HSPA12A: variants seen among roughly 807,000 people sequenced by gnomAD.
The protein encoded by HSPA12A is heat shock protein family A (Hsp70) member 12A, also known as heat shock 70 kDa protein 12A.
A neutral mutation model predicts 69.2 loss-of-function variants in HSPA12A; 28 were observed. The observed-to-expected ratio is 0.40, with a 90% CI of 0.30 to 0.55. The LOEUF (loss-of-function observed/expected upper bound fraction) is 0.55, where lower values mean the gene tolerates loss of function less well. HSPA12A is among the 20% of genes least tolerant of loss of function. HSPA12A has a pLI of 0.38. For missense variants in HSPA12A, 686 were observed against 900.7 expected, an observed-to-expected ratio of 0.76 and a Z score of 3.05; for synonymous variants, 345 against 370.5, an observed-to-expected ratio of 0.93 and a Z score of 0.79.
intron 1 of HSPA12A, among the ~76,000 whole-genome samples, chr10:116,837,068 C>T (rs1387187845): frequency 2.0e-5 from 3 of 152,188 alleles, no homozygotes; most frequent in South Asian, 2.1e-4. Context: ...TGTCACTTGG[C>T]GGCGGCAGTG....
At chr10:116,815,690 T>C (rs757856996) in intron 2 of HSPA12A, among the ~76,000 whole-genome samples, 6 of 152,184 alleles carry the variant, frequency 3.9e-5, no homozygotes, top group South Asian at 4.1e-4. Flanking sequence ...GGCAGGGCCC[T>C]GACTCTGTCA....
At chr10:116,829,852 C>T (rs1353414273) in intron 2 of HSPA12A, 2 of 152,168 alleles carry the variant, frequency 1.3e-5, no homozygotes, top group South Asian at 2.1e-4. Context: ...CTCCCAATCT[C>T]GTGGCTGCCT....
At chr10:116,775,163 C>T (rs1844307754) in intron 2 of HSPA12A, among the ~76,000 whole-genome samples, 1 of 152,250 alleles carries the variant, frequency 6.6e-6, no homozygotes, top group African/African-American at 2.4e-5. Context: ...AGTGCTGATT[C>T]TGTACTAAGA....
chr10:116,721,675 G>T (rs149316708), intron 1 of HSPA12A, among the ~76,000 whole-genome samples: 1 of 151,770 alleles, frequency 6.6e-6, no homozygotes, highest in Non-Finnish European at 1.5e-5. Flanking sequence ...TCCCCTCCCC[G>T]GCACTGAAAT....
At chr10:116,739,962 C>A (rs1375495221) in intron 1 of HSPA12A, among the ~76,000 whole-genome samples, 1 of 152,110 alleles carries the variant, frequency 6.6e-6, no homozygotes, top group African/African-American at 2.4e-5. Flanking sequence ...CACCTACCCA[C>A]CAGCAAACCC....
intron 2 of HSPA12A, among the ~76,000 whole-genome samples, chr10:116,705,704 T>C (rs1326434713): frequency 1.3e-5 from 2 of 152,222 alleles, no homozygotes; most frequent in African/African-American, 4.8e-5. Context: ...CTGTGCCCTC[T>C]GTACACCCAG....
intron 1 of HSPA12A, among the ~76,000 whole-genome samples, chr10:116,729,992 G>A (rs1851102225): frequency 6.6e-6 from 1 of 152,206 alleles, no homozygotes; most frequent in African/African-American, 2.4e-5. Context: ...GGCCAAAGCA[G>A]GCCAACATGG....
At chr10:116,707,136 C>T (rs1850275652) in intron 2 of HSPA12A, 64 bp downstream of exon 2, 2 of 1,294,310 alleles carry the variant, frequency 1.5e-6, no homozygotes, top group Non-Finnish European at 2.1e-6. Flanking sequence ...CACGTGTGCT[C>T]ATGCGCACCC....
rs145472759 is a variant in HSPA12A, at chr10:116,838,465, C to A, written c.4-3443G>T. ...ACATTTGAAGTGGAGAAAAACAAGC[C>A]AAACACACACATCATCAGTGGAATG... is the stretch of plus-strand genomic sequence containing the variant. On this transcript the variant is annotated intron_variant, in intron 1 of 12. Coordinates refer to the HSPA12A transcript ENST00000635765. Among the ~76,000 whole-genome samples, 82 of 152,232 alleles carry A rather than the reference C, an allele frequency of 5.4e-4. No homozygotes were observed. In the East Asian group the frequency reaches 0.014, roughly 27 times the overall value.
At chr10:116,824,421 G>C (rs1048796456) in intron 2 of HSPA12A, among the ~76,000 whole-genome samples, 2 of 152,068 alleles carry the variant, frequency 1.3e-5, no homozygotes. Flanking sequence ...CAAGAGAAGC[G>C]AAAAAATACA....
At chr10:116,793,407 C>A (rs377421130) in intron 2 of HSPA12A, among the ~76,000 whole-genome samples, 78 of 152,198 alleles carry the variant, frequency 5.1e-4, no homozygotes, top group African/African-American at 1.8e-3. Context: ...CCTGTCTCTA[C>A]AAAAGATACA....
intron 1 of HSPA12A, among the ~76,000 whole-genome samples, chr10:116,714,627 G>A (rs1554883562): frequency 1.3e-5 from 2 of 152,126 alleles, no homozygotes; most frequent in African/African-American, 4.8e-5. Flanking sequence ...CAAAATCAAG[G>A]TCTGCTCACC....
intron 1 of HSPA12A, among the ~76,000 whole-genome samples, chr10:116,739,270 A>G (rs1467121688): frequency 6.6e-6 from 1 of 152,150 alleles, no homozygotes; most frequent in African/African-American, 2.4e-5. Flanking sequence ...TGAAATGGGG[A>G]TCACAGGGCG....
chr10:116,834,570 G>C (rs1166065668), intron 2 of HSPA12A, among the ~76,000 whole-genome samples: 1 of 152,160 alleles, frequency 6.6e-6, no homozygotes, highest in Non-Finnish European at 1.5e-5. Context: ...CCCTCACAGA[G>C]CCAATCTCCC....
intron 1 of HSPA12A, among the ~76,000 whole-genome samples, chr10:116,839,567 T>C (rs1845770554): frequency 7.5e-6 from 1 of 132,592 alleles, no homozygotes; most frequent in Admixed American, 8.9e-5. Flanking sequence ...TCAACACAAG[T>C]GTGACTGATT....
chr10:116,789,853 G>A (rs995797807), intron 2 of HSPA12A, among the ~76,000 whole-genome samples: 3 of 152,006 alleles, frequency 2.0e-5, no homozygotes, highest in African/African-American at 4.8e-5. Context: ...TCCAGACTAC[G>A]GGTCAGGTTC....
chr10:116,676,266 C>G (rs1849232184), intron 11 of HSPA12A, 133 bp downstream of exon 11: 1 of 715,390 alleles, frequency 1.4e-6, no homozygotes, highest in African/African-American at 1.7e-5. Flanking sequence ...CTGCCCAGTC[C>G]TGCAGGGCCC....
chr10:116,790,605 T>A (rs1392800341), intron 2 of HSPA12A, among the ~76,000 whole-genome samples: 1 of 152,170 alleles, frequency 6.6e-6, no homozygotes, highest in Non-Finnish European at 1.5e-5. Context: ...CCAGCTCAAA[T>A]ATTTCCTCCT....
intron 2 of HSPA12A, among the ~76,000 whole-genome samples, chr10:116,817,928 C>A (rs1300103231): frequency 2.6e-5 from 4 of 152,192 alleles, no homozygotes; most frequent in African/African-American, 9.7e-5. Context: ...GATCATTCGC[C>A]ACCTCCAATT....
Sources: gnomAD v4.1 joint callset for allele counts (sites outside exome capture counted in the v4.1 genomes callset) on GRCh38, gnomAD v4.1.1 for gene constraint, MANE v1.5 for transcripts, NCBI Gene and HGNC (gene_info 2026-07-23, HGNC 2026-07-21) for gene names.